Variants in A1BG observed in about 807,000 individuals in gnomAD.
A1BG encodes alpha-1B-glycoprotein.
A neutral mutation model predicts 46.0 loss-of-function variants in A1BG; 44 were observed. The ratio of observed to expected loss-of-function variants is 0.96; its 90% confidence interval spans 0.75 to 1.23. The LOEUF is 1.23. Among genes scored for constraint, A1BG ranks in the 50% most tolerant of loss-of-function variants. The pLI, the probability that A1BG is intolerant of heterozygous loss-of-function variation, is 0.00. For missense variants in A1BG, 707 were observed against 688.8 expected, an observed-to-expected ratio of 1.03 and a Z score of -0.30; for synonymous variants, 316 against 314.7, an observed-to-expected ratio of 1.00 and a Z score of -0.04.
intron 6 of A1BG, among the ~76,000 whole-genome samples, chr19:58,348,204 T>TA (rs1225564692): frequency 1.3e-5 from 2 of 151,914 alleles, no homozygotes; most frequent in African/African-American, 4.8e-5. Context: ...TACAAAAAAT[T>TA]AGCCGGGCGT....
At chr19:58,352,778 A>G in intron 3 of A1BG, 150 bp downstream of exon 3, 2 of 1,266,834 alleles carry the variant, frequency 1.6e-6, no homozygotes, top group Non-Finnish European at 2.2e-6. Flanking sequence ...ACAACCATGT[A>G]TTCCTTACAA....
chr19:58,353,350 G>C (rs1019841433), intron 1 of A1BG, 23 bp from the exon 2 acceptor site: 7 of 1,610,436 alleles, frequency 4.3e-6, no homozygotes, highest in African/African-American at 4.0e-5. Context: ...CCCCCGTAAG[G>C]CTCCTGTTCC....
intron 4 of A1BG, chr19:58,352,053 C>G (rs1245995446): frequency 7.1e-7 from 1 of 1,407,850 alleles, no homozygotes; most frequent in East Asian, 2.5e-5. Flanking sequence ...CTCAGCCTCC[C>G]AAAGTGCTGG....
Position 58,351,719 on chromosome 19 carries a change from C to T in A1BG, c.614-32G>A, listed in dbSNP as rs1163615599. The T allele has an allele frequency of 3.2e-6, 5 of 1,545,030 alleles. No individual in the cohort carries two copies. The Admixed American group carries it at 5.9e-5, about 18-fold the overall frequency. On this transcript the variant is annotated intron_variant, in intron 4 of 7. Coordinates refer to ENST00000263100, the MANE Select transcript of A1BG (RefSeq NM_130786.4). ...TGCAGGCAGCATTACTAGGCTGCCC[C>T]ATCCCTGGAGCTGCCCTCTGCCCAG... is the stretch of plus-strand genomic sequence containing the variant.
chr19:58,352,451 GAA>G lies in A1BG; in HGVS notation c.443_444del (p.Phe148SerfsTer9), dbSNP rs2051969573. 3 of 1,613,814 alleles carry G rather than the reference GAA, an allele frequency of 1.9e-6. No individual in the cohort carries two copies. The highest frequency in any genetic ancestry group is 2.5e-6 in the Non-Finnish European group (3 of 1,180,018). On this transcript the variant is annotated frameshift_variant, in exon 4 of 8. Transcript: ENST00000263100. LOFTEE classifies it high-confidence loss of function. ...VCRGVLRGVTFLLRREGDHEF... is the reference protein window; with the variant it reads ...VCRGVLRGVTXLLRREGDHEF... ...TCATGGTCGCCCTCCCGCCTCAGCA[GAA>G]AAGTCACACCCCGCAGCACACCTCG...
At chr19:58,351,795 C>A in intron 4 of A1BG, 108 bp from the exon 5 acceptor site, 54 of 760,680 alleles carry the variant, frequency 7.1e-5, no homozygotes, top group Non-Finnish European at 1.0e-4. Context: ...CCCTTCCATT[C>A]TTTTTTTTTT....
At position 58,350,471 on chromosome 19, in the gene A1BG, ATGT is replaced by A. The variant is rs747978325; in HGVS notation, c.1088_1090del (p.Asn363del). The A allele has an allele frequency of 6.6e-5, 103 of 1,556,824 alleles. No individual in the cohort carries two copies. The East Asian group carries it at 1.3e-3, about 19-fold the overall frequency. ...GTAGTTGGCGGAGTCAGCCACGGAA[ATGT>A]TGTGCAGCTCGAAGAGCGCCTCGGT... On this transcript the variant is annotated inframe_deletion, in exon 6 of 8. Coordinates refer to ENST00000263100, the MANE Select transcript of A1BG (RefSeq NM_130786.4).
chr19:58,350,275 G>C, intron 6 of A1BG, 95 bp downstream of exon 6: 1 of 1,407,678 alleles, frequency 7.1e-7, no homozygotes, highest in South Asian at 1.5e-5. Flanking sequence ...GGCCCAGAGC[G>C]CCGCCGTCGG....
chr19:58,351,765 G>A (rs1288451375), intron 4 of A1BG, 78 bp from the exon 5 acceptor site: 8 of 1,422,398 alleles, frequency 5.6e-6, no homozygotes, highest in South Asian at 1.3e-5. Flanking sequence ...TCTGCCCTCC[G>A]GGTGGCAATC....
At chr19:58,347,100 G>C in intron 7 of A1BG, 71 bp from the exon 8 acceptor site, 3 of 1,582,030 alleles carry the variant, frequency 1.9e-6, no homozygotes, top group Non-Finnish European at 2.6e-6. Flanking sequence ...CGGAAATCAA[G>C]GCCGACCTCC....
intron 4 of A1BG, 132 bp from the exon 5 acceptor site, chr19:58,351,819 G>A (rs1375649681): frequency 1.1e-4 from 92 of 870,944 alleles, no homozygotes; most frequent in Non-Finnish European, 6.7e-5. Flanking sequence ...TTTTTGAAAC[G>A]GAGTTTCGCT....
chr19:58,350,809 T>C (rs2051951099), intron 5 of A1BG, 158 bp from the exon 6 acceptor site: 3 of 664,184 alleles, frequency 4.5e-6, no homozygotes. Context: ...CACCTTTGCA[T>C]CCCAGTCCTT....
intron 4 of A1BG, 72 bp from the exon 5 acceptor site, chr19:58,351,759 C>G: frequency 6.9e-7 from 1 of 1,457,398 alleles, no homozygotes; most frequent in East Asian, 2.5e-5. Context: ...CAGACCTCTG[C>G]CCTCCGGGTG....
At position 58,347,078 on chromosome 19, in the gene A1BG, C is replaced by T. The variant is rs557377182; in HGVS notation, c.1481-49G>A. The T allele has an allele frequency of 7.6e-5, 123 of 1,608,082 alleles. 2 individuals are homozygous for T. The South Asian group carries it at 1.3e-3, about 17-fold the overall frequency. ...ATGGTGGAGGAGGGGAAATCCTATG[C>T]CCTCCTCCTCGCGGAAATCAAGGCC... On this transcript the variant is annotated intron_variant, in intron 7 of 7. Coordinates refer to ENST00000263100, the MANE Select transcript of A1BG (RefSeq NM_130786.4).
At position 58,351,442 on chromosome 19, in the gene A1BG, G is replaced by A. The variant is rs749058804; in HGVS notation, c.859C>T (p.Gln287Ter). The change falls in exon 5 of 8, where the codon CAA becomes TAA. Residue 287 changes from glutamine to a stop codon, truncating the protein, a stop_gained. Transcript: ENST00000263100. LOFTEE classifies it high-confidence loss of function. ...GCGCTGTCCCCGGACCAGCCGTTTT[G>A]GTTGTCATGCAGCCGGTAGCGGCAG... is the stretch of plus-strand genomic sequence containing the variant. ...YTCRYRLHDN[Q>*]NGWSGDSAPV... 6.2e-7 allele frequency: 1 copy of A among 1,613,756 alleles called. No individual in the cohort carries two copies. The highest frequency in any genetic ancestry group is 1.1e-5 in the South Asian group (1 of 91,090).
chr19:58,347,640 C>A lies in A1BG; in HGVS notation c.1193G>T (p.Gly398Val). Residue 398 changes from glycine (G) to valine (V), a missense_variant and splice_region_variant, in exon 7 of 8, where the codon GGA becomes GTA. By Grantham distance (109) the Gly-to-Val change is moderately radical (BLOSUM62 -3). Transcript: ENST00000263100. ...CCGGAGCTGAGGCCTGGGAGGGGGT[C>A]CTGGGCGGAGCGGGCGGGTGGTCGG... The part of the protein sequence containing the change: ...PSERLELHVD[G>V]PPPRPQLRAT... 7.1e-7 allele frequency: 1 copy of A among 1,414,480 alleles called. No homozygotes were observed. Among genetic ancestry groups the A allele is most frequent in the South Asian group, 1.5e-5 (1 of 66,274 alleles). 87.6% of individuals were successfully genotyped at this position (1,414,480 alleles called of 1,614,324 possible). A position where few individuals can be genotyped will look rare whatever the true frequency, so the allele number is the denominator to read the frequency against.
At position 58,351,705 on chromosome 19, in the gene A1BG, T is replaced by TTAC; in HGVS notation, c.614-21_614-19dup. The TTAC allele has an allele frequency of 6.4e-7, 1 of 1,556,432 alleles. No homozygotes were observed. The highest frequency in any genetic ancestry group is 8.7e-7 in the Non-Finnish European group (1 of 1,149,908). On this transcript the variant is annotated intron_variant, in intron 4 of 7. Transcript: ENST00000263100. ...TGGTGCAGCTGCAATGCAGGCAGCATTACTAGGCTGCCCCATCCCTGGAGC... is the reference window on the plus strand; with the variant it reads ...TGGTGCAGCTGCAATGCAGGCAGCATTACTACTAGGCTGCCCCATCCCTGGAGC...
Position 58,352,412 on chromosome 19 carries a change from G to C in A1BG, c.484C>G (p.Pro162Ala), listed in dbSNP as rs1379675520. ...GCCTCCACATCCTCCTGGGCCTCAG[G>C]CACCTCCAGAAACTCATGGTCGCCC... The part of the protein sequence containing the change: ...REGDHEFLEV[P>A]EAQEDVEATF... Residue 162 changes from proline (P) to alanine (A), a missense_variant, in exon 4 of 8, where the codon CCT (proline) becomes GCT (alanine). Physicochemically the swap from Pro to Ala is conservative, Grantham distance 27 (BLOSUM62 -1). Transcript: ENST00000263100. 7 of 1,613,702 alleles carry C rather than the reference G, an allele frequency of 4.3e-6. No individual in the cohort carries two copies. The highest frequency in any genetic ancestry group is 5.9e-6 in the Non-Finnish European group (7 of 1,179,980).
Position 58,352,914 on chromosome 19 carries a change from A to C in A1BG, c.340+14T>G. ...CCCACTGCCTCCTGGCCCCCAATTC[A>C]TGCCCCGGCTCACTTGGCCCTGTCA... On this transcript the variant is annotated intron_variant, in intron 3 of 7. Coordinates refer to ENST00000263100, the MANE Select transcript of A1BG (RefSeq NM_130786.4). 3 of 1,604,278 alleles carry C rather than the reference A, an allele frequency of 1.9e-6. No individual in the cohort carries two copies. Among genetic ancestry groups the C allele is most frequent in the Non-Finnish European group, 2.6e-6 (3 of 1,175,374 alleles).
Sources: allele counts gnomAD v4.1 joint callset (sites outside exome capture counted in the v4.1 genomes callset), GRCh38; gene constraint gnomAD v4.1.1; transcripts MANE v1.5; gene names NCBI Gene and HGNC (gene_info 2026-07-23, HGNC 2026-07-21).